Variants in GPC5 observed in about 807,000 individuals in gnomAD.
GPC5 encodes the protein glypican 5.
A neutral mutation model predicts 53.9 loss-of-function variants in GPC5; 47 were observed. The ratio of observed to expected loss-of-function variants is 0.87; its 90% confidence interval spans 0.69 to 1.11. GPC5 has a LOEUF of 1.11. Among genes scored for constraint, GPC5 ranks in the 50% most tolerant of loss-of-function variants. The pLI is 0.00. For missense variants in GPC5, 748 were observed against 713.1 expected (o/e 1.05, Z -0.56); for synonymous variants, 286 against 263.3 (o/e 1.09, Z -0.84).
chr13:91,973,837 C>T (rs897121502), intron 6 of GPC5, among the ~76,000 whole-genome samples: 1 of 152,162 alleles, frequency 6.6e-6, no homozygotes, highest in Non-Finnish European at 1.5e-5. Context: ...CTGATCATTC[C>T]TCTGGAAGTT....
chr13:92,033,071 G>GTC (rs2040866387), intron 6 of GPC5, among the ~76,000 whole-genome samples: 1 of 151,048 alleles, frequency 6.6e-6, no homozygotes, highest in African/African-American at 2.5e-5. Flanking sequence ...GTGTGTGTGT[G>GTC]TGTGCTTCTC....
At chr13:92,352,244 A>G (rs1278162175) in intron 7 of GPC5, among the ~76,000 whole-genome samples, 2 of 152,324 alleles carry the variant, frequency 1.3e-5, no homozygotes, top group East Asian at 1.9e-4. Context: ...TAACTCATAT[A>G]TTGACACAAA....
intron 7 of GPC5, among the ~76,000 whole-genome samples, chr13:92,610,460 G>A (rs1884397795): frequency 6.6e-6 from 1 of 152,036 alleles, no homozygotes; most frequent in Non-Finnish European, 1.5e-5. Context: ...ACACTTCCAA[G>A]GTACCATATA....
At chr13:92,156,908 A>T (rs529448667) in intron 7 of GPC5, among the ~76,000 whole-genome samples, 182 of 152,198 alleles carry the variant, frequency 1.2e-3, no homozygotes, top group African/African-American at 4.1e-3. Context: ...TTTAAAATGT[A>T]TATGCCTCCA....
intron 2 of GPC5, among the ~76,000 whole-genome samples, chr13:91,556,270 G>C (rs986820763): frequency 6.6e-6 from 1 of 151,564 alleles, no homozygotes; most frequent in Non-Finnish European, 1.5e-5. Context: ...CATTTCTATT[G>C]TTGAGTACCA....
At chr13:92,387,130 T>C (rs1189776332) in intron 7 of GPC5, among the ~76,000 whole-genome samples, 1 of 152,102 alleles carries the variant, frequency 6.6e-6, no homozygotes, top group Non-Finnish European at 1.5e-5. Flanking sequence ...TTTTTGACTT[T>C]ATGATGGTGT....
intron 7 of GPC5, among the ~76,000 whole-genome samples, chr13:92,382,253 A>G (rs2043754855): frequency 6.6e-6 from 1 of 152,008 alleles, no homozygotes. Context: ...AAAGACTACA[A>G]ATATGGTGCA....
At chr13:92,593,008 G>A (rs894442149) in intron 7 of GPC5, among the ~76,000 whole-genome samples, 1 of 151,162 alleles carries the variant, frequency 6.6e-6, no homozygotes, top group South Asian at 2.1e-4. Context: ...ATGTTGGCTG[G>A]GGAATAGATC....
intron 7 of GPC5, among the ~76,000 whole-genome samples, chr13:92,859,445 A>G (rs1160828026): frequency 1.3e-5 from 2 of 152,102 alleles, no homozygotes; most frequent in Non-Finnish European, 2.9e-5. Flanking sequence ...ATGCATTTTT[A>G]AATTATTTTA....
At chr13:92,748,325 T>TATC (rs1314478020) in intron 7 of GPC5, among the ~76,000 whole-genome samples, 44 of 147,412 alleles carry the variant, frequency 3.0e-4, no homozygotes, top group Admixed American at 1.6e-3. Context: ...TTATTATTAT[T>TATC]ATTATTATTA....
intron 4 of GPC5, among the ~76,000 whole-genome samples, chr13:91,742,082 G>T (rs2140072360): frequency 6.6e-6 from 1 of 152,276 alleles, no homozygotes; most frequent in Non-Finnish European, 1.5e-5. Context: ...CCAAGACAAA[G>T]CTTTGGATAG....
At chr13:91,553,502 T>C (rs1017918257) in intron 2 of GPC5, among the ~76,000 whole-genome samples, 5 of 152,110 alleles carry the variant, frequency 3.3e-5, no homozygotes, top group African/African-American at 1.2e-4. Flanking sequence ...CTAAATGAGT[T>C]TTCTGTCACC....
intron 7 of GPC5, among the ~76,000 whole-genome samples, chr13:92,298,049 T>G (rs2043050092): frequency 6.6e-6 from 1 of 151,988 alleles, no homozygotes; most frequent in Non-Finnish European, 1.5e-5. Context: ...CCGGACACAC[T>G]AGGAGGATCA....
intron 7 of GPC5, among the ~76,000 whole-genome samples, chr13:92,561,079 G>A (rs1051005541): frequency 7.2e-5 from 11 of 151,818 alleles, no homozygotes; most frequent in African/African-American, 2.4e-4. Context: ...CATTGCCTTC[G>A]AGACGTGACC....
chr13:91,557,117 AG>A (rs2138876406), intron 2 of GPC5, among the ~76,000 whole-genome samples: 1 of 152,220 alleles, frequency 6.6e-6, no homozygotes, highest in Admixed American at 6.6e-5. Flanking sequence ...TGGTTGTAAA[AG>A]AAACTACCAA....
chr13:91,946,294 C>G (rs1393863808), intron 6 of GPC5, among the ~76,000 whole-genome samples: 1 of 151,832 alleles, frequency 6.6e-6, no homozygotes, highest in East Asian at 1.9e-4. Flanking sequence ...TAAGATGATT[C>G]AGAACTAAGC....
chr13:92,470,627 C>G (rs1157035456), intron 7 of GPC5, among the ~76,000 whole-genome samples: 2 of 152,146 alleles, frequency 1.3e-5, no homozygotes, highest in Non-Finnish European at 2.9e-5. Context: ...TGTTCAGCAT[C>G]TTCTCCCTCA....
At chr13:91,751,065 G>C (rs1300062477) in intron 4 of GPC5, among the ~76,000 whole-genome samples, 1 of 152,030 alleles carries the variant, frequency 6.6e-6, no homozygotes, top group African/African-American at 2.4e-5. Flanking sequence ...TAGATCCCTG[G>C]TTCTACTATT....
chr13:91,461,558 G>A (rs979901558), intron 2 of GPC5, among the ~76,000 whole-genome samples: 4 of 152,050 alleles, frequency 2.6e-5, no homozygotes, highest in Non-Finnish European at 5.9e-5. Flanking sequence ...CCTTCTTCTA[G>A]GCTACAATTA....
Sources: gnomAD v4.1 joint callset for allele counts (sites outside exome capture counted in the v4.1 genomes callset) on GRCh38, gnomAD v4.1.1 for gene constraint, MANE v1.5 for transcripts, NCBI Gene and HGNC (gene_info 2026-07-23, HGNC 2026-07-21) for gene names.